The following KCNIP1 variants were observed in gnomAD, a reference collection of about 807,000 sequenced individuals.
KCNIP1 encodes the protein A-type potassium channel modulatory protein KCNIP1.
KCNIP1 carries 18 observed loss-of-function variants against 33.0 expected under a neutral mutation model. The ratio of observed to expected loss-of-function variants is 0.55; its 90% CI spans 0.38 to 0.81. The LOEUF (loss-of-function observed/expected upper bound fraction) is 0.81, where lower values mean the gene tolerates loss of function less well. Among genes scored for constraint, KCNIP1 ranks in the 30% least tolerant of loss-of-function variants. The probability of loss-of-function intolerance (pLI) is 0.00; values close to 1 mark genes in which losing one functional copy is unlikely to be tolerated. For synonymous variants in KCNIP1, 93 were observed against 98.3 expected, an observed-to-expected ratio of 0.95 and a Z score of 0.32; for missense variants, 238 against 271.6, an observed-to-expected ratio of 0.88 and a Z score of 0.87.
At chr5:170,630,970 C>T (rs1000882887) in intron 1 of KCNIP1, among the ~76,000 whole-genome samples, 6 of 152,102 alleles carry the variant, frequency 3.9e-5, no homozygotes, top group African/African-American at 1.2e-4. Context: ...GCTGTCAGCA[C>T]GGGACAGTGG....
intron 6 of KCNIP1, among the ~76,000 whole-genome samples, chr5:170,733,497 G>A (rs544745461): frequency 6.6e-6 from 1 of 152,346 alleles, no homozygotes; most frequent in African/African-American, 2.4e-5. Flanking sequence ...CAAGTAACAG[G>A]CCAGAATCAG....
Position 170,735,946 on chromosome 5 carries a change from G to A in KCNIP1, c.*140G>A. On this transcript the variant is annotated 3_prime_UTR_variant, in exon 8 of 8. Coordinates refer to ENST00000328939, the MANE Select transcript of KCNIP1 (RefSeq NM_014592.4). ...TTACACTTTGGAAGAATTCTCTGCT[G>A]AAGACTTTCTATGGAACCCAGCATC... 1 of 696,850 alleles carries A rather than the reference G, an allele frequency of 1.4e-6. No homozygotes were observed. Among genetic ancestry groups the A allele is most frequent in the Non-Finnish European group, 2.5e-6 (1 of 407,778 alleles). 43.2% of individuals were successfully genotyped at this position (696,850 alleles called of 1,614,324 possible).
At chr5:170,371,590 C>T (rs922235272) in intron 1 of KCNIP1, among the ~76,000 whole-genome samples, 10 of 152,122 alleles carry the variant, frequency 6.6e-5, no homozygotes, top group African/African-American at 2.4e-4. Context: ...TTTCCTTGTG[C>T]CTCCATTGGC....
At chr5:170,388,024 C>G (rs549889263) in intron 1 of KCNIP1, among the ~76,000 whole-genome samples, 9 of 152,238 alleles carry the variant, frequency 5.9e-5, no homozygotes, top group Middle Eastern at 3.4e-3. Context: ...ATCAGCCCCC[C>G]CCAGCGCCCA....
chr5:170,538,153 T>A (rs1204205267), intron 1 of KCNIP1, among the ~76,000 whole-genome samples: 1 of 152,198 alleles, frequency 6.6e-6, no homozygotes, highest in African/African-American at 2.4e-5. Context: ...CCTAGAGCCC[T>A]TAATGACTAT....
At chr5:170,376,458 C>G (rs1421869201) in intron 1 of KCNIP1, 1 of 152,180 alleles carries the variant, frequency 6.6e-6, no homozygotes, top group African/African-American at 2.4e-5. Context: ...CCACCACGCC[C>G]GGCCGACTTT....
At chr5:170,585,758 A>T (rs913047989) in intron 1 of KCNIP1, among the ~76,000 whole-genome samples, 5 of 152,218 alleles carry the variant, frequency 3.3e-5, no homozygotes, top group Admixed American at 6.5e-5. Context: ...AGACGGGGCC[A>T]TTCGCTGAGT....
intron 1 of KCNIP1, among the ~76,000 whole-genome samples, chr5:170,407,814 C>T (rs55819865): frequency 0.011 from 1,710 of 152,274 alleles, 32 homozygotes; most frequent in African/African-American, 0.039. Context: ...CATGTCATAG[C>T]GGATTTATGG....
chr5:170,437,527 C>G (rs1755893460), intron 1 of KCNIP1, among the ~76,000 whole-genome samples: 1 of 152,212 alleles, frequency 6.6e-6, no homozygotes, highest in Non-Finnish European at 1.5e-5. Context: ...ATGAAGCAAC[C>G]TTCCCAAGGG....
At chr5:170,383,466 G>A in intron 1 of KCNIP1, 1 of 630,620 alleles carries the variant, frequency 1.6e-6, no homozygotes, top group Non-Finnish European at 2.9e-6. Flanking sequence ...TAAGTGGCCT[G>A]CCTATGTTTA....
At chr5:170,497,425 C>T (rs558498661) in intron 1 of KCNIP1, among the ~76,000 whole-genome samples, 12 of 152,288 alleles carry the variant, frequency 7.9e-5, no homozygotes, top group Admixed American at 5.2e-4. Flanking sequence ...TTTACCATAA[C>T]CTTTCCTCCT....
intron 1 of KCNIP1, among the ~76,000 whole-genome samples, chr5:170,625,638 C>T (rs538605455): frequency 2.0e-5 from 3 of 152,184 alleles, no homozygotes; most frequent in Admixed American, 1.3e-4. Context: ...CACTTTCCCT[C>T]GGCTAGTCTT....
chr5:170,433,867 A>C (rs1416308929), intron 1 of KCNIP1, among the ~76,000 whole-genome samples: 5 of 152,288 alleles, frequency 3.3e-5, no homozygotes, highest in South Asian at 2.1e-4. Context: ...TTCACAGCTC[A>C]TCGGGGCAGT....
intron 1 of KCNIP1, among the ~76,000 whole-genome samples, chr5:170,543,191 G>A (rs1028624921): frequency 2.6e-5 from 4 of 152,128 alleles, no homozygotes; most frequent in African/African-American, 9.7e-5. Context: ...GAATACTGGG[G>A]GACATGAGCG....
At chr5:170,546,289 A>G (rs1279882791) in intron 1 of KCNIP1, among the ~76,000 whole-genome samples, 1 of 152,236 alleles carries the variant, frequency 6.6e-6, no homozygotes. Flanking sequence ...TCTCTCTCTC[A>G]TGGAATGTTG....
intron 1 of KCNIP1, among the ~76,000 whole-genome samples, chr5:170,622,257 A>G (rs977858435): frequency 2.6e-5 from 4 of 152,182 alleles, no homozygotes; most frequent in Non-Finnish European, 5.9e-5. Flanking sequence ...TAATTCAGTT[A>G]TGGGTCTCAA....
At chr5:170,492,408 C>G (rs1757225433) in intron 1 of KCNIP1, among the ~76,000 whole-genome samples, 1 of 152,250 alleles carries the variant, frequency 6.6e-6, no homozygotes, top group South Asian at 2.1e-4. Context: ...TTTCTCCCAG[C>G]ACTTGGACGC....
chr5:170,589,470 G>T (rs1339246842), intron 1 of KCNIP1, among the ~76,000 whole-genome samples: 2 of 152,154 alleles, frequency 1.3e-5, no homozygotes, highest in East Asian at 1.9e-4. Flanking sequence ...TAGATGCCAG[G>T]AGTACAGCAG....
chr5:170,445,433 G>C (rs1384590229), intron 1 of KCNIP1, among the ~76,000 whole-genome samples: 1 of 152,246 alleles, frequency 6.6e-6, no homozygotes, highest in African/African-American at 2.4e-5. Flanking sequence ...CGAGTGAGAG[G>C]ACTGCGGATC....
Sources: allele counts gnomAD v4.1 joint callset (sites outside exome capture counted in the v4.1 genomes callset), GRCh38; gene constraint gnomAD v4.1.1; transcripts MANE v1.5; gene names NCBI Gene and HGNC (gene_info 2026-07-23, HGNC 2026-07-21).